GNB4: variants seen among roughly 807,000 people sequenced by gnomAD.
The protein encoded by GNB4 is G protein subunit beta 4.
GNB4 carries 28 observed loss-of-function variants against 45.2 expected under a neutral mutation model. That is an observed-to-expected ratio of 0.62 (90% CI 0.46 to 0.85). GNB4 has a LOEUF of 0.85. GNB4 is among the 40% of genes least tolerant of loss of function. The pLI is 0.00. For synonymous variants in GNB4, 132 were observed against 143.7 expected (o/e 0.92, Z 0.58); for missense variants, 321 against 425.4 (o/e 0.75, Z 2.16).
chr3:179,511,505 A>G, the GNB4 span, among the ~76,000 whole-genome samples: 1 of 152,216 alleles, frequency 6.6e-6, no homozygotes, highest in Non-Finnish European at 1.5e-5. Flanking sequence ...GAGAGGCAGC[A>G]TTAAGTAGTG....
At chr3:179,501,549 T>C in the GNB4 span, among the ~76,000 whole-genome samples, 1 of 151,364 alleles carries the variant, frequency 6.6e-6, no homozygotes, top group African/African-American at 2.4e-5. Context: ...GGTCTTGAAC[T>C]CCTGACCTTA....
chr3:179,510,740 C>T, the GNB4 span, among the ~76,000 whole-genome samples: 1 of 152,172 alleles, frequency 6.6e-6, no homozygotes, highest in African/African-American at 2.4e-5. Flanking sequence ...AGTCTTTGCA[C>T]ACGTTTGCCT....
chr3:179,463,909 G>A, the GNB4 span, among the ~76,000 whole-genome samples: 11 of 152,196 alleles, frequency 7.2e-5, no homozygotes, highest in African/African-American at 2.2e-4. Context: ...TGTCAGAAAG[G>A]CAGACTCAAA....
rs756136568 is a variant in GNB4 at position 179,399,994 on chromosome 3, C to G, written c.*1219G>C. 6.6e-6 allele frequency: 1 copy of G among 152,206 alleles called. No homozygotes were observed. Among genetic ancestry groups the G allele is most frequent in the Non-Finnish European group, 1.5e-5 (1 of 68,044 alleles). 9.4% of individuals were successfully genotyped at this position (152,206 alleles called of 1,614,324 possible). ...TATAGCTCTCTAACTCCTTTAAGAA[C>G]TGCTTTAGGAATTTTTATTTTGGCT... On this transcript the variant is annotated 3_prime_UTR_variant, in exon 10 of 10. Transcript: ENST00000232564.
At chr3:179,459,554 T>G in the GNB4 span, among the ~76,000 whole-genome samples, 2 of 151,988 alleles carry the variant, frequency 1.3e-5, no homozygotes, top group Non-Finnish European at 2.9e-5. Context: ...TGGTGATACA[T>G]GCCTGTAATC....
chr3:179,469,750 A>G, the GNB4 span, among the ~76,000 whole-genome samples: 8 of 152,304 alleles, frequency 5.3e-5, no homozygotes, highest in East Asian at 1.2e-3. Flanking sequence ...TTTCCACCAC[A>G]GTGTTACTCA....
chr3:179,468,035 A>AAAT, the GNB4 span, among the ~76,000 whole-genome samples: 25 of 89,824 alleles, frequency 2.8e-4, no homozygotes, highest in East Asian at 1.0e-3. Flanking sequence ...TGTTGATAAA[A>AAAT]ATATATATAT....
the GNB4 span, among the ~76,000 whole-genome samples, chr3:179,514,825 G>A: frequency 6.6e-6 from 1 of 152,306 alleles, no homozygotes; most frequent in South Asian, 2.1e-4. Context: ...TGTTGTTTAA[G>A]CTGCCCAGTC....
chr3:179,462,193 T>C, the GNB4 span, among the ~76,000 whole-genome samples: 4 of 152,046 alleles, frequency 2.6e-5, no homozygotes, highest in Non-Finnish European at 4.4e-5. Context: ...TGTGTGTGTG[T>C]GCTATTCTCA....
At chr3:179,465,221 G>A in the GNB4 span, 5 of 1,404,282 alleles carry the variant, frequency 3.6e-6, no homozygotes, top group South Asian at 2.3e-5. Context: ...GGTTGGAGAT[G>A]TGGATTTTGA....
At chr3:179,463,571 G>A in the GNB4 span, among the ~76,000 whole-genome samples, 1 of 152,190 alleles carries the variant, frequency 6.6e-6, no homozygotes, top group Non-Finnish European at 1.5e-5. Flanking sequence ...AACTGAAGAA[G>A]TTAAAAGATC....
At chr3:179,416,402 ATTTAAG>A (rs1215897955) in intron 5 of GNB4, 85 bp downstream of exon 5, 2 of 717,892 alleles carry the variant, frequency 2.8e-6, no homozygotes, top group East Asian at 5.8e-5. Context: ...TCAGAAAGCA[ATTTAAG>A]TTTGAGGTAA....
the GNB4 span, among the ~76,000 whole-genome samples, chr3:179,481,112 A>G: frequency 1.3e-5 from 2 of 152,066 alleles, no homozygotes; most frequent in Admixed American, 6.5e-5. Context: ...CGGCCTCCCA[A>G]AGTGCTGGGA....
chr3:179,472,643 C>A, the GNB4 span, among the ~76,000 whole-genome samples: 1 of 152,052 alleles, frequency 6.6e-6, no homozygotes, highest in Non-Finnish European at 1.5e-5. Context: ...GGATTACAGG[C>A]TTCAGTCACC....
chr3:179,490,829 G>A, the GNB4 span, among the ~76,000 whole-genome samples: 642 of 152,160 alleles, frequency 4.2e-3, 1 homozygote, highest in Non-Finnish European at 6.1e-3. Context: ...CACCCTCACA[G>A]ACACACCGAA....
At chr3:179,511,445 A>G in the GNB4 span, among the ~76,000 whole-genome samples, 1 of 152,276 alleles carries the variant, frequency 6.6e-6, no homozygotes, top group South Asian at 2.1e-4. Context: ...TCTTTATTTG[A>G]CAGATGAATA....
intron 1 of GNB4, among the ~76,000 whole-genome samples, chr3:179,427,471 G>A (rs987171494): frequency 6.6e-6 from 1 of 151,880 alleles, no homozygotes; most frequent in Non-Finnish European, 1.5e-5. Context: ...TGGGTGTGGT[G>A]GCACATGACT....
At chr3:179,524,900 G>A in the GNB4 span, among the ~76,000 whole-genome samples, 1 of 152,170 alleles carries the variant, frequency 6.6e-6, no homozygotes, top group Non-Finnish European at 1.5e-5. Context: ...CTGTAAGCTG[G>A]ACCAGGTGTG....
chr3:179,421,671 CCG>C (rs1156453445), intron 2 of GNB4, among the ~76,000 whole-genome samples: 1 of 152,162 alleles, frequency 6.6e-6, no homozygotes, highest in Non-Finnish European at 1.5e-5. Flanking sequence ...TTCCAGTCAG[CCG>C]AGGGAAAAAT....
Sources: allele counts gnomAD v4.1 joint callset (sites outside exome capture counted in the v4.1 genomes callset), GRCh38; gene constraint gnomAD v4.1.1; transcripts MANE v1.5; gene names NCBI Gene and HGNC (gene_info 2026-07-23, HGNC 2026-07-21).